Variants in CCDC171 observed in about 807,000 individuals in gnomAD.
CCDC171 encodes the protein coiled-coil domain-containing protein 171.
Under a neutral mutation model 168.2 loss-of-function variants are expected in CCDC171, and 177 were observed. The ratio of observed to expected loss-of-function variants is 1.05; its 90% CI spans 0.93 to 1.19. CCDC171 has a LOEUF of 1.19. CCDC171 is among the 50% of genes most tolerant of loss of function. The pLI, the probability that CCDC171 is intolerant of heterozygous loss-of-function variation, is 0.00. For synonymous variants in CCDC171, 687 were observed against 540.8 expected, an observed-to-expected ratio of 1.27 and a Z score of -3.75; for missense variants, 1,991 against 1,539.0, an observed-to-expected ratio of 1.29 and a Z score of -4.91.
intron 1 of CCDC171, among the ~76,000 whole-genome samples, chr9:15,555,386 C>T (rs1586923577): frequency 6.6e-6 from 1 of 152,124 alleles, no homozygotes; most frequent in African/African-American, 2.4e-5. Flanking sequence ...TGTGAAGGTG[C>T]TATCTGGATT....
intron 11 of CCDC171, among the ~76,000 whole-genome samples, chr9:15,696,810 T>A (rs960841499): frequency 1.1e-4 from 17 of 152,186 alleles, no homozygotes; most frequent in Non-Finnish European, 1.8e-4. Context: ...AAATTTTAAT[T>A]TTTATTCTTT....
intron 23 of CCDC171, among the ~76,000 whole-genome samples, chr9:15,859,028 A>G (rs565592505): frequency 6.6e-6 from 1 of 152,162 alleles, no homozygotes; most frequent in East Asian, 1.9e-4. Flanking sequence ...AACTCTACAT[A>G]TATGGCCTTT....
chr9:15,647,269 T>C (rs1445304244), intron 7 of CCDC171, among the ~76,000 whole-genome samples: 5 of 152,042 alleles, frequency 3.3e-5, no homozygotes, highest in Non-Finnish European at 7.4e-5. Flanking sequence ...GAGGGAAATA[T>C]ATAGCACTAA....
At chr9:15,909,305 G>T (rs1312234448) in intron 24 of CCDC171, among the ~76,000 whole-genome samples, 1 of 152,106 alleles carries the variant, frequency 6.6e-6, no homozygotes, top group East Asian at 1.9e-4. Context: ...AATTTTGTTT[G>T]TGATCCTTTC....
At chr9:15,623,678 T>G (rs559468772) in intron 7 of CCDC171, among the ~76,000 whole-genome samples, 11 of 152,222 alleles carry the variant, frequency 7.2e-5, no homozygotes, top group Non-Finnish European at 1.6e-4. Flanking sequence ...TTTGAACAAT[T>G]AACTCTCATG....
At chr9:15,974,591 AGTCACACTTACATATTGTGGAGTT>A (rs1022940196), downstream of CCDC171, among the ~76,000 whole-genome samples, 3 of 152,230 alleles carry the variant, frequency 2.0e-5, no homozygotes, top group Non-Finnish European at 4.4e-5. Context: ...CTGATACCTG[AGTCACACTTACATATTGTGGAGTT>A]GCTGACATTT....
chr9:16,083,149 T>C, the CCDC171 span, among the ~76,000 whole-genome samples: 1 of 152,246 alleles, frequency 6.6e-6, no homozygotes, highest in South Asian at 2.1e-4. Context: ...AGGGTTATCA[T>C]AGGAATACAA....
intron 4 of CCDC171, among the ~76,000 whole-genome samples, chr9:15,588,141 G>A (rs1177898816): frequency 6.6e-6 from 1 of 152,084 alleles, no homozygotes; most frequent in Non-Finnish European, 1.5e-5. Context: ...AGGCTGAGGT[G>A]GGAGAATCAC....
At chr9:15,641,831 A>G (rs1202662842) in intron 7 of CCDC171, among the ~76,000 whole-genome samples, 2 of 152,240 alleles carry the variant, frequency 1.3e-5, no homozygotes. Flanking sequence ...CAGTCAGCTT[A>G]TAAATGACAA....
At chr9:16,067,475 C>A in the CCDC171 span, among the ~76,000 whole-genome samples, 3 of 152,136 alleles carry the variant, frequency 2.0e-5, no homozygotes, top group Admixed American at 2.0e-4. Flanking sequence ...AATTAGATCC[C>A]ATTTGTCAAT....
At chr9:15,897,489 C>T (rs937572048) in intron 24 of CCDC171, among the ~76,000 whole-genome samples, 1 of 151,998 alleles carries the variant, frequency 6.6e-6, no homozygotes. Flanking sequence ...GTTTATTGAA[C>T]AACTACAGAA....
intron 11 of CCDC171, among the ~76,000 whole-genome samples, chr9:15,701,539 C>T (rs1047635463): frequency 2.0e-5 from 3 of 150,866 alleles, no homozygotes; most frequent in African/African-American, 7.3e-5. Flanking sequence ...TGTACCATGC[C>T]ATGCTATTTG....
intron 3 of CCDC171, among the ~76,000 whole-genome samples, chr9:15,577,065 G>T (rs1332300926): frequency 6.6e-6 from 1 of 152,164 alleles, no homozygotes; most frequent in Non-Finnish European, 1.5e-5. Context: ...CTCATCCTAT[G>T]TTCTTCCTAC....
chr9:15,822,954 G>A (rs948131559), intron 21 of CCDC171, among the ~76,000 whole-genome samples: 3 of 152,164 alleles, frequency 2.0e-5, no homozygotes, highest in African/African-American at 7.2e-5. Context: ...AACAATGATA[G>A]ACTGGATTAA....
At chr9:15,584,218 C>T (rs2041376096) in intron 4 of CCDC171, among the ~76,000 whole-genome samples, 1 of 152,172 alleles carries the variant, frequency 6.6e-6, no homozygotes, top group Non-Finnish European at 1.5e-5. Flanking sequence ...GCTCAGCTGT[C>T]TGGGGTTATT....
chr9:16,018,815 G>T (rs1003122509), intron 3 of CCDC171, among the ~76,000 whole-genome samples: 1 of 152,172 alleles, frequency 6.6e-6, no homozygotes, highest in Non-Finnish European at 1.5e-5. Flanking sequence ...ATGGGGAACC[G>T]GGCCCTTAAA....
chr9:15,686,805 A>T (rs923422085), intron 10 of CCDC171, among the ~76,000 whole-genome samples: 1 of 152,196 alleles, frequency 6.6e-6, no homozygotes, highest in Non-Finnish European at 1.5e-5. Flanking sequence ...GACAACAATA[A>T]TATTTCGGGG....
chr9:15,841,597 A>G (rs2060682478), intron 21 of CCDC171, among the ~76,000 whole-genome samples: 1 of 152,032 alleles, frequency 6.6e-6, no homozygotes. Context: ...CCTAAGGAAG[A>G]TTAATTTAAA....
rs755465121 is a variant in CCDC171, at chr9:16,021,410, A to G, written n.574+616A>G. On this transcript the variant is annotated intron_variant and non_coding_transcript_variant, in intron 4 of 9. Coordinates refer to the CCDC171 transcript ENST00000486641. ...CTCAATAAGACAATTACTTAAATTT[A>G]TAACTATGATTTCACTGTCATATTC... Among the ~76,000 whole-genome samples, 12 of 152,310 alleles carry G rather than the reference A, an allele frequency of 7.9e-5. No homozygotes were observed. The East Asian group carries it at 1.5e-3, about 20-fold the overall frequency.
Sources: allele counts gnomAD v4.1 joint callset (sites outside exome capture counted in the v4.1 genomes callset), GRCh38; gene constraint gnomAD v4.1.1; transcripts MANE v1.5; gene names NCBI Gene and HGNC (gene_info 2026-07-23, HGNC 2026-07-21).